Variants in MFSD6 observed in about 807,000 individuals in gnomAD.
MFSD6 encodes the protein major facilitator superfamily domain-containing protein 6.
A neutral mutation model predicts 56.3 loss-of-function variants in MFSD6; 26 were observed. That is an observed-to-expected ratio of 0.46 (90% CI 0.34 to 0.64). MFSD6 has a LOEUF of 0.64. Among genes scored for constraint, MFSD6 ranks in the 30% least tolerant of loss-of-function variants. MFSD6 has a pLI of 0.01. For missense variants in MFSD6, 750 were observed against 986.2 expected, an observed-to-expected ratio of 0.76 and a Z score of 3.21; for synonymous variants, 331 against 366.9, an observed-to-expected ratio of 0.90 and a Z score of 1.12.
rs755749992 is a variant in MFSD6, at chr2:190,500,145, C to T, written c.2303C>T (p.Ala768Val). The T allele has an allele frequency of 2.5e-5, 40 of 1,614,192 alleles. No individual in the cohort carries two copies. Among genetic ancestry groups the T allele is most frequent in the Non-Finnish European group, 3.3e-5 (39 of 1,180,038 alleles). ...GCATCTCAGACGCAGACCAGCCCCG[C>T]TCACCCCAGTGTGGACCCGTGCACA... ...AAASQTQTSP[A>V]HPSVDPCTEE... The change falls in exon 8 of 8, where the codon GCT becomes GTT. Residue 768 changes from alanine (A) to valine (V), a missense_variant. By Grantham distance (64) the Ala-to-Val change is moderately conservative. Coordinates refer to ENST00000392328, the MANE Select transcript of MFSD6 (RefSeq NM_017694.4). This position sits in a 1 kb window ranked among gnomAD's most constrained non-coding sequence, Gnocchi z 5.3.
In MFSD6 at chr2:190,499,934, G is replaced by A. The variant is rs2125281398; in HGVS notation, c.2173-81G>A. On this transcript the variant is annotated intron_variant, in intron 7 of 7. Coordinates refer to ENST00000392328, the MANE Select transcript of MFSD6 (RefSeq NM_017694.4). This position sits in a 1 kb window ranked among gnomAD's most constrained non-coding sequence, Gnocchi z 6.0. ...TCCGGATGATCTCCCCATGTTTCCT[G>A]TCTTACTTGAAAGCATATATAAAAA... The A allele has an allele frequency of 1.3e-6, 2 of 1,596,674 alleles. No individual in the cohort carries two copies. Among genetic ancestry groups the A allele is most frequent in the East Asian group, 2.2e-5 (1 of 44,708 alleles).
intron 3 of MFSD6, among the ~76,000 whole-genome samples, chr2:190,440,292 GA>G (rs1686324212): frequency 6.6e-6 from 1 of 152,136 alleles, no homozygotes; most frequent in African/African-American, 2.4e-5. Context: ...GTTTCTCAGG[GA>G]CTGACCTGTC....
Position 190,413,487 on chromosome 2 carries a change from A to G in MFSD6, c.-175-1805A>G, listed in dbSNP as rs908679309. Among the ~76,000 whole-genome samples the G allele has an allele frequency of 3.3e-5, 5 of 152,216 alleles. No homozygotes were observed. The highest frequency in any genetic ancestry group is 1.2e-4 in the African/African-American group (5 of 41,454). ...ACAAAACAGGAAAGGCCAGCTCTGA[A>G]TGACTCTGAGGAAATGTTTGGAAGC... is the stretch of plus-strand genomic sequence containing the variant. On this transcript the variant is annotated intron_variant, in intron 1 of 7. Transcript: ENST00000392328. The surrounding 1 kb of genome is among the most constrained non-coding windows in gnomAD (Gnocchi z 4.1).
rs547672355 is a variant in MFSD6, at chr2:190,429,500, A to AT, written c.-53-6470dup. Reference sequence around the variant, plus strand: ...ACCACCATGCCCAGCTAATTTTTGTATTTTTTTAGTAAAGACGGGGTTTCA... The same window carrying AT: ...ACCACCATGCCCAGCTAATTTTTGTATTTTTTTTAGTAAAGACGGGGTTTCA... On this transcript the variant is annotated intron_variant, in intron 2 of 7. Transcript: ENST00000392328. Among the ~76,000 whole-genome samples the AT allele has an allele frequency of 3.1e-3, 463 of 151,682 alleles. 2 individuals carry two copies. Among genetic ancestry groups the AT allele is most frequent in the Admixed American group, 8.7e-3 (132 of 15,226 alleles).
chr2:190,500,544 A>AT lies in MFSD6; in HGVS notation c.*326_*327insT. On this transcript the variant is annotated 3_prime_UTR_variant, in exon 8 of 8. Coordinates refer to ENST00000392328, the MANE Select transcript of MFSD6 (RefSeq NM_017694.4). The surrounding 1 kb of genome is among the most constrained non-coding windows in gnomAD (Gnocchi z 5.3). The stretch of plus-strand genomic sequence containing the variant: ...GTTGAAACCGGCAGTTACACTAAGT[A>AT]AGTGGAGGGAATGAAAGTGTTTCGA... 3.7e-6 allele frequency: 1 copy of AT among 273,130 alleles called. No individual in the cohort carries two copies. Among genetic ancestry groups the AT allele is most frequent in the South Asian group, 7.1e-5 (1 of 14,052 alleles). The allele number at this position is 273,130 out of a possible 1,614,324, so 16.9% of individuals were successfully genotyped here.
rs562636434 is a variant in MFSD6 at position 190,426,926 on chromosome 2, T to C, written c.-53-9051T>C. On this transcript the variant is annotated intron_variant, in intron 2 of 7. Transcript: ENST00000392328. The surrounding 1 kb of genome is among the most constrained non-coding windows in gnomAD (Gnocchi z 4.7). ...CTGCTTTATTACTGCCAGCTGGAGG[T>C]AGAAGTCCAAGTTCCTCACTCAGCC... Among the ~76,000 whole-genome samples, 28 of 152,296 alleles carry C rather than the reference T, an allele frequency of 1.8e-4. No individual in the cohort carries two copies. The highest frequency in any genetic ancestry group is 6.7e-4 in the African/African-American group (28 of 41,564).
At chr2:190,449,578 C>T (rs1332138546) in intron 3 of MFSD6, among the ~76,000 whole-genome samples, 3 of 152,158 alleles carry the variant, frequency 2.0e-5, no homozygotes, top group South Asian at 2.1e-4. Context: ...ATGTTTATTG[C>T]GGCACTATTC....
intron 4 of MFSD6, chr2:190,477,487 G>T (rs934308395): frequency 1.4e-4 from 61 of 431,890 alleles, no homozygotes; most frequent in Admixed American, 3.2e-4. Flanking sequence ...GTTTCCATAA[G>T]TGACCCAAGA....
In MFSD6 at chr2:190,471,835, C is replaced by T. The variant is rs1290246285; in HGVS notation, c.1630+1980C>T. Among the ~76,000 whole-genome samples, 2 of 152,196 alleles carry T rather than the reference C, an allele frequency of 1.3e-5. No individual in the cohort carries two copies. The highest frequency in any genetic ancestry group is 2.4e-5 in the African/African-American group (1 of 41,450). On this transcript the variant is annotated intron_variant, in intron 4 of 7. Coordinates refer to ENST00000392328, the MANE Select transcript of MFSD6 (RefSeq NM_017694.4). The surrounding 1 kb of genome is among the most constrained non-coding windows in gnomAD (Gnocchi z 4.7). ...CCGCAAGTAGCCTAACTGGGAGGCA[C>T]CCCCCAGTAGGGGCAGACTGATAAC... is the stretch of plus-strand genomic sequence containing the variant.
Position 190,499,840 on chromosome 2 carries a change from A to G in MFSD6, c.2173-175A>G, listed in dbSNP as rs1282800460. 1.4e-5 allele frequency: 22 copies of G among 1,544,814 alleles called. No individual in the cohort carries two copies. Among genetic ancestry groups the G allele is most frequent in the Middle Eastern group, 1.7e-4 (1 of 5,974 alleles). On this transcript the variant is annotated intron_variant, in intron 7 of 7. Coordinates refer to ENST00000392328, the MANE Select transcript of MFSD6 (RefSeq NM_017694.4). This position sits in a 1 kb window ranked among gnomAD's most constrained non-coding sequence, Gnocchi z 6.0. ...TCATGCGGCTCTGGCAGTTGCACAT[A>G]GGAAAGGAGATGAAAGGTAAGACAT...
intron 4 of MFSD6, among the ~76,000 whole-genome samples, chr2:190,483,082 C>T (rs377239720): frequency 4.7e-5 from 7 of 149,830 alleles, no homozygotes; most frequent in African/African-American, 1.7e-4. Flanking sequence ...TTAGTAGAGA[C>T]GGGGTTTCAC....
In MFSD6 at chr2:190,485,747, T is replaced by G. The variant is rs1344014364; in HGVS notation, c.1631-2910T>G. 6.6e-6 allele frequency among the ~76,000 whole-genome samples: 1 copy of G among 152,106 alleles called. No homozygotes were observed. Among genetic ancestry groups the G allele is most frequent in the Non-Finnish European group, 1.5e-5 (1 of 68,020 alleles). ...AGATAAAGCAAACACGTTATTTGACTTCTTAGGAAATTAACTGTGTATGCT... is the reference window on the plus strand; with the variant it reads ...AGATAAAGCAAACACGTTATTTGACGTCTTAGGAAATTAACTGTGTATGCT... On this transcript the variant is annotated intron_variant, in intron 4 of 7. Coordinates refer to ENST00000392328, the MANE Select transcript of MFSD6 (RefSeq NM_017694.4). This position sits in a 1 kb window ranked among gnomAD's most constrained non-coding sequence, Gnocchi z 5.1.
intron 1 of MFSD6, chr2:190,411,046 C>T: frequency 5.5e-6 from 5 of 902,480 alleles, no homozygotes; most frequent in Non-Finnish European, 6.6e-6. Context: ...CAGAGCGAGA[C>T]TCTATCTCAA....
Position 190,494,471 on chromosome 2 carries a change from A to G in MFSD6, c.1892-2968A>G, listed in dbSNP as rs1030513680. Among the ~76,000 whole-genome samples, 3 of 152,220 alleles carry G rather than the reference A, an allele frequency of 2.0e-5. No individual in the cohort carries two copies. Among genetic ancestry groups the G allele is most frequent in the Non-Finnish European group, 4.4e-5 (3 of 68,030 alleles). On this transcript the variant is annotated intron_variant, in intron 6 of 7. Transcript: ENST00000392328. The surrounding 1 kb of genome is among the most constrained non-coding windows in gnomAD (Gnocchi z 5.7). ...TTGACACTATTCCACAAGATAGAGA[A>G]AGAGGGAATCCTCCCTAAAACATTC... is the stretch of plus-strand genomic sequence containing the variant.
chr2:190,437,621 A>G lies in MFSD6; in HGVS notation c.1532+60A>G, dbSNP rs1329437795. ...ATTGAACTTTATCTTTTTATGGTTTATAGCTCCTTCTACTACAATTTTAAG... is the reference window on the plus strand; with the variant it reads ...ATTGAACTTTATCTTTTTATGGTTTGTAGCTCCTTCTACTACAATTTTAAG... On this transcript the variant is annotated intron_variant, in intron 3 of 7. Coordinates refer to ENST00000392328, the MANE Select transcript of MFSD6 (RefSeq NM_017694.4). This position sits in a 1 kb window ranked among gnomAD's most constrained non-coding sequence, Gnocchi z 5.9. The G allele has an allele frequency of 1.3e-6, 2 of 1,530,150 alleles. No individual in the cohort carries two copies. Among genetic ancestry groups the G allele is most frequent in the East Asian group, 4.5e-5 (2 of 44,278 alleles). 94.8% of individuals were successfully genotyped at this position (1,530,150 alleles called of 1,614,324 possible).
In MFSD6 at chr2:190,425,743, C is replaced by G. The variant is rs557175104; in HGVS notation, c.-53-10234C>G. Among the ~76,000 whole-genome samples, 1 of 152,168 alleles carries G rather than the reference C, an allele frequency of 6.6e-6. No individual in the cohort carries two copies. Among genetic ancestry groups the G allele is most frequent in the African/African-American group, 2.4e-5 (1 of 41,516 alleles). On this transcript the variant is annotated intron_variant, in intron 2 of 7. Coordinates refer to ENST00000392328, the MANE Select transcript of MFSD6 (RefSeq NM_017694.4). This position sits in a 1 kb window ranked among gnomAD's most constrained non-coding sequence, Gnocchi z 4.3. ...AATTCTTTTTATATGTTGCTAAATT[C>G]TCTTTTCTAATATTTTCTTAAGGGT...
At chr2:190,483,887 T>C (rs1688854712) in intron 4 of MFSD6, among the ~76,000 whole-genome samples, 1 of 150,882 alleles carries the variant, frequency 6.6e-6, no homozygotes, top group African/African-American at 2.4e-5. Context: ...TTACTCATAA[T>C]TATTTTTAAT....
chr2:190,411,927 T>C, intron 1 of MFSD6: 1 of 985,366 alleles, frequency 1.0e-6, no homozygotes, highest in Non-Finnish European at 1.2e-6. Context: ...TTTGGAAGCA[T>C]GATTGTTCTG....
At position 190,456,791 on chromosome 2, in the gene MFSD6, G is replaced by T. The variant is rs927057982; in HGVS notation, c.1533-12967G>T. Among the ~76,000 whole-genome samples, 1 of 152,212 alleles carries T rather than the reference G, an allele frequency of 6.6e-6. No individual in the cohort carries two copies. The highest frequency in any genetic ancestry group is 1.5e-5 in the Non-Finnish European group (1 of 68,034). ...TCCTGCCTCAGCATCGATACCTGCAGTTTCTGTGGCTACCTCAGCAGAAAT... is the reference window on the plus strand; with the variant it reads ...TCCTGCCTCAGCATCGATACCTGCATTTTCTGTGGCTACCTCAGCAGAAAT... On this transcript the variant is annotated intron_variant, in intron 3 of 7. Transcript: ENST00000392328. This position sits in a 1 kb window ranked among gnomAD's most constrained non-coding sequence, Gnocchi z 5.4.
Sources: allele counts gnomAD v4.1 joint callset (sites outside exome capture counted in the v4.1 genomes callset), GRCh38; gene constraint gnomAD v4.1.1; non-coding constraint Gnocchi (gnomAD v3.1); transcripts MANE v1.5; gene names NCBI Gene and HGNC (gene_info 2026-07-23, HGNC 2026-07-21).